Variants in KANTR observed in about 807,000 individuals in gnomAD.
The protein encoded by KANTR is KDM5C adjacent transcript.
chrX:53,123,616 C>G (rs1167184119), exon 3 of KANTR: 2 of 111,137 alleles, frequency 1.8e-5, no homozygotes, highest in Non-Finnish European at 3.8e-5. Context: ...CAGGAAGCCC[C>G]TCCTTGGCCT....
At chrX:53,108,568 TCCTC>T (rs1360572990) in intron 2 of KANTR, among the ~76,000 whole-genome samples, 3 of 112,296 alleles carry the variant, frequency 2.7e-5, no homozygotes, top group African/African-American at 9.7e-5. Context: ...TGTTTATTGA[TCCTC>T]TATCATATGA....
chrX:53,141,585 C>T (rs782498695), intron 2 of KANTR, among the ~76,000 whole-genome samples: 7 of 110,257 alleles, frequency 6.3e-5, no homozygotes, highest in Admixed American at 2.9e-4. Context: ...TCCCTCCCTT[C>T]CTCTTTCCTT....
downstream of KANTR, among the ~76,000 whole-genome samples, chrX:53,145,983 C>G (rs1401858180): frequency 9.0e-6 from 1 of 111,708 alleles, no homozygotes; most frequent in African/African-American, 3.3e-5. Flanking sequence ...GACATCCACA[C>G]CAAAACCCCA....
At chrX:53,101,646 A>G (rs1048318843) in intron 2 of KANTR, among the ~76,000 whole-genome samples, 10 of 111,178 alleles carry the variant, frequency 9.0e-5, no homozygotes, top group Admixed American at 8.6e-4. Flanking sequence ...TCAGTTTGCC[A>G]TCTTACATGG....
chrX:53,104,782 G>T (rs1033943885), intron 2 of KANTR, among the ~76,000 whole-genome samples: 1 of 111,508 alleles, frequency 9.0e-6, no homozygotes, highest in African/African-American at 3.3e-5. Context: ...ATCTACCTCC[G>T]TTCCTCAGTT....
At chrX:53,137,811 C>T (rs1933446208) in intron 2 of KANTR, among the ~76,000 whole-genome samples, 2 of 110,683 alleles carry the variant, frequency 1.8e-5, no homozygotes, top group African/African-American at 3.3e-5. Flanking sequence ...TTATTGCCCC[C>T]CTTATCATTC....
chrX:53,102,000 C>CA (rs201162727), intron 2 of KANTR, among the ~76,000 whole-genome samples: 3,165 of 43,270 alleles, frequency 0.073, 54 homozygotes, highest in Non-Finnish European at 0.096. Context: ...AACCCTGTCT[C>CA]AAAAAAAAAA....
chrX:53,134,907 T>G (rs1420817991), intron 2 of KANTR, among the ~76,000 whole-genome samples: 1 of 111,916 alleles, frequency 8.9e-6, no homozygotes. Flanking sequence ...TAAATCTGAT[T>G]GATCCAAACC....
chrX:53,129,671 G>T (rs1933337509), downstream of KANTR, among the ~76,000 whole-genome samples: 1 of 109,276 alleles, frequency 9.2e-6, no homozygotes, highest in Non-Finnish European at 1.9e-5. Flanking sequence ...CTTTTTCTCT[G>T]GCTGCTTTGA....
chrX:53,135,083 C>T (rs1933405305), intron 2 of KANTR, among the ~76,000 whole-genome samples: 1 of 111,993 alleles, frequency 8.9e-6, no homozygotes. Flanking sequence ...CTAAAGGATT[C>T]AGATGCATCC....
intron 2 of KANTR, among the ~76,000 whole-genome samples, chrX:53,120,338 C>A (rs782164528): frequency 3.6e-5 from 4 of 111,943 alleles, no homozygotes; most frequent in Non-Finnish European, 7.5e-5. Flanking sequence ...GCTCGGCCCC[C>A]CTTTGTGTTT....
chrX:53,125,262 CT>C, exon 3 of KANTR: 1 of 110,985 alleles, frequency 9.0e-6, no homozygotes, highest in South Asian at 3.7e-4. Flanking sequence ...ATTTTCCATC[CT>C]TTTACTTTTG....
downstream of KANTR, chrX:53,143,098 A>G (rs1556818711): frequency 1.7e-6 from 2 of 1,181,703 alleles, no homozygotes; most frequent in Non-Finnish European, 2.3e-6. Flanking sequence ...GGTCTTGTGG[A>G]TGCCGCAGGA....
chrX:53,099,767 G>A (rs1214589139), intron 2 of KANTR, among the ~76,000 whole-genome samples, 159 bp downstream of exon 2: 3 of 112,189 alleles, frequency 2.7e-5, no homozygotes, highest in Non-Finnish European at 5.6e-5. Flanking sequence ...TGGATGTTGT[G>A]TTAGCAGGCA....
Position 53,114,965 on chromosome X carries a change from G to T in KANTR, c.-804-8504G>T, listed in dbSNP as rs782570941. On this transcript the variant is annotated intron_variant, in intron 2 of 2. Transcript: ENST00000604062. ...ACTGTGTGGTGCTGGGGCCGGTGTGGAGCCTGGATTCTCTAGGCCCAGCCC... is the reference window on the plus strand; with the variant it reads ...ACTGTGTGGTGCTGGGGCCGGTGTGTAGCCTGGATTCTCTAGGCCCAGCCC... Among the ~76,000 whole-genome samples, 8 of 109,644 alleles carry T rather than the reference G, an allele frequency of 7.3e-5. No homozygotes were observed. The South Asian group carries it at 3.2e-3, about 44-fold the overall frequency.
At chrX:53,134,847 G>A (rs1933403417) in intron 2 of KANTR, among the ~76,000 whole-genome samples, 1 of 111,600 alleles carries the variant, frequency 9.0e-6, no homozygotes, top group African/African-American at 3.3e-5. Context: ...CTGCACCTGA[G>A]ATTCAAAGGA....
At chrX:53,140,805 T>A (rs181079345) in intron 2 of KANTR, among the ~76,000 whole-genome samples, 14 of 112,314 alleles carry the variant, frequency 1.2e-4, no homozygotes, top group Admixed American at 1.2e-3. Context: ...TTATAATTTT[T>A]AAAATAATGA....
intron 2 of KANTR, among the ~76,000 whole-genome samples, chrX:53,137,029 T>C (rs1314020141): frequency 9.2e-6 from 1 of 109,240 alleles, no homozygotes; most frequent in Non-Finnish European, 1.9e-5. Flanking sequence ...CATGAGCCAC[T>C]GCACCTGGCC....
chrX:53,143,009 TG>T, downstream of KANTR: 1 of 1,154,491 alleles, frequency 8.7e-7, no homozygotes. Context: ...GGGCACATGG[TG>T]GTGCTGCTGG....
Sources: allele counts gnomAD v4.1 joint callset (sites outside exome capture counted in the v4.1 genomes callset), GRCh38; gene constraint gnomAD v4.1.1; transcripts MANE v1.5; gene names NCBI Gene and HGNC (gene_info 2026-07-23, HGNC 2026-07-21).